The following HIVEP2 variants were observed in gnomAD, a reference collection of about 807,000 sequenced individuals.
The protein encoded by HIVEP2 is HIVEP zinc finger 2, also known as transcription factor HIVEP2.
Under a neutral mutation model 180.7 loss-of-function variants are expected in HIVEP2, and 14 were observed. That is an observed-to-expected ratio of 0.08 (90% confidence interval 0.05 to 0.12). HIVEP2 has a LOEUF of 0.12. Ranked by LOEUF, HIVEP2 falls within the 10% of genes least tolerant of loss-of-function variation. The pLI, the probability that HIVEP2 is intolerant of heterozygous loss-of-function variation, is 1.00. For missense variants in HIVEP2, 2,579 were observed against 3,008.5 expected (o/e 0.86, Z 3.34); for synonymous variants, 1,184 against 1,136.4 (o/e 1.04, Z -0.84).
At chr6:142,914,353 C>T (rs1015315346) in intron 1 of HIVEP2, among the ~76,000 whole-genome samples, 24 of 152,018 alleles carry the variant, frequency 1.6e-4, no homozygotes, top group African/African-American at 5.1e-4. Flanking sequence ...ATCTTACAAC[C>T]GATGATACCT....
chr6:142,918,499 C>T (rs531336455), intron 1 of HIVEP2, among the ~76,000 whole-genome samples: 1 of 152,332 alleles, frequency 6.6e-6, no homozygotes, highest in African/African-American at 2.4e-5. Context: ...CTAACGACAG[C>T]ATCTGGATGT....
intron 2 of HIVEP2, among the ~76,000 whole-genome samples, chr6:142,792,346 T>A (rs1294896027): frequency 6.6e-6 from 1 of 152,036 alleles, no homozygotes; most frequent in Non-Finnish European, 1.5e-5. Context: ...AATAAGATAA[T>A]GGAATAAACT....
At chr6:142,840,416 CAT>C in intron 1 of HIVEP2, among the ~76,000 whole-genome samples, 2 of 150,978 alleles carry the variant, frequency 1.3e-5, no homozygotes, top group Middle Eastern at 6.8e-3. Context: ...ACACTTAAAA[CAT>C]TGATGACATT....
At position 142,942,174 on chromosome 6, in the gene HIVEP2, A is replaced by G. The variant is rs377285564; in HGVS notation, c.-641+2925T>C. The stretch of plus-strand genomic sequence containing the variant: ...AAATTGACTTTAGCTAATTACTGAT[A>G]ATAATTTAAAAACTGAAACCCAACC... On this transcript the variant is annotated intron_variant, in intron 1 of 9. Transcript: ENST00000367603. Among the ~76,000 whole-genome samples, 8 of 152,330 alleles carry G rather than the reference A, an allele frequency of 5.3e-5. No individual in the cohort carries two copies. In the South Asian group the frequency reaches 1.4e-3, roughly 28 times the overall value.
At chr6:142,923,319 A>T (rs1186051936) in intron 1 of HIVEP2, among the ~76,000 whole-genome samples, 2 of 152,086 alleles carry the variant, frequency 1.3e-5, no homozygotes, top group Non-Finnish European at 2.9e-5. Context: ...CAACAGAGCA[A>T]GACTCCGTCT....
intron 1 of HIVEP2, among the ~76,000 whole-genome samples, chr6:142,847,827 T>C (rs1432419335): frequency 2.0e-5 from 3 of 152,204 alleles, no homozygotes; most frequent in Non-Finnish European, 4.4e-5. Context: ...TCTACTAATA[T>C]TAAAAAAAAG....
chr6:142,922,013 C>G (rs893748762), intron 1 of HIVEP2, among the ~76,000 whole-genome samples: 3 of 152,206 alleles, frequency 2.0e-5, no homozygotes, highest in African/African-American at 4.8e-5. Context: ...AACTCAACTT[C>G]GTTGGCGTCT....
chr6:142,944,859 A>T (rs1481108417), intron 1 of HIVEP2: 1 of 152,080 alleles, frequency 6.6e-6, no homozygotes, highest in African/African-American at 2.4e-5. Context: ...CAGCCGGTGC[A>T]CCCGCAAGGC....
At chr6:142,761,621 G>T in intron 7 of HIVEP2, 56 bp from the exon 8 acceptor site, 1 of 889,934 alleles carries the variant, frequency 1.1e-6, no homozygotes, top group Non-Finnish European at 1.9e-6. Context: ...ATTAATAACT[G>T]CTGATAGCTG....
intron 1 of HIVEP2, among the ~76,000 whole-genome samples, chr6:142,927,666 C>A (rs1317195405): frequency 2.0e-5 from 3 of 152,176 alleles, no homozygotes; most frequent in Admixed American, 1.3e-4. Flanking sequence ...TTATACTTAT[C>A]CACTTTAATA....
intron 1 of HIVEP2, among the ~76,000 whole-genome samples, chr6:142,920,271 G>A (rs1189329373): frequency 1.3e-5 from 2 of 152,164 alleles, no homozygotes; most frequent in Non-Finnish European, 2.9e-5. Flanking sequence ...CTACTTATTT[G>A]TCACTCAATT....
intron 1 of HIVEP2, among the ~76,000 whole-genome samples, chr6:142,896,519 T>A (rs918683792): frequency 1.3e-5 from 2 of 152,178 alleles, no homozygotes; most frequent in Non-Finnish European, 1.5e-5. Flanking sequence ...AATGTCGGCC[T>A]CTCATTCCAG....
At chr6:142,898,584 C>T (rs1018086752) in intron 1 of HIVEP2, among the ~76,000 whole-genome samples, 1 of 152,168 alleles carries the variant, frequency 6.6e-6, no homozygotes, top group Admixed American at 6.5e-5. Flanking sequence ...ATCACTTGAT[C>T]TCAGGAGGTG....
rs539842392 is a variant in HIVEP2, at chr6:142,924,244, G to C, written c.-641+20855C>G. Reference sequence around the variant, plus strand: ...ACTTTTTTAAACCTCTTACCAAAAAGAGAATTCTAAAATTATGACCGAAGA... The same window carrying C: ...ACTTTTTTAAACCTCTTACCAAAAACAGAATTCTAAAATTATGACCGAAGA... On this transcript the variant is annotated intron_variant, in intron 1 of 9. Transcript: ENST00000367603. 3.1e-3 allele frequency among the ~76,000 whole-genome samples: 468 copies of C among 152,258 alleles called. 2 individuals carry two copies. Among genetic ancestry groups the C allele is most frequent in the African/African-American group, 0.011 (453 of 41,546 alleles).
rs201462470 is a variant in HIVEP2 at position 142,753,758 on chromosome 6, G to A, written c.6690C>T (p.Pro2230=). ...AGTGAACCATCTGGATCCCACCAAC[G>A]GGCACCATGGGGATAGGGGCTCGCA... The part of the protein sequence containing the change: ...QQVRAPIPMV[P]VGGIQMVHSM... The change falls in exon 10 of 10, where the codon CCC becomes CCT. Residue 2230 remains proline, a synonymous_variant. Coordinates refer to ENST00000367603, the MANE Select transcript of HIVEP2 (RefSeq NM_006734.4). 6.8e-6 allele frequency: 11 copies of A among 1,614,158 alleles called. No homozygotes were observed. Among genetic ancestry groups the A allele is most frequent in the East Asian group, 2.2e-5 (1 of 44,876 alleles).
Position 142,760,443 on chromosome 6 carries a change from T to C in HIVEP2, c.5845A>G (p.Asn1949Asp), listed in dbSNP as rs979727900. ...ACCCCGTGGGGTACGGCGCCAACAT[T>C]CACAGGCAAGGAGGAGAATCTAGGA... ...QPPRFSSLPV[N>D]VGAVPHGVPS... Residue 1949 changes from asparagine to aspartate, a missense_variant, in exon 9 of 10, where the codon AAT (asparagine) becomes GAT (aspartate). By Grantham distance (23) the Asn-to-Asp change is conservative. Around this residue, in one of 11 missense-constraint regions of HIVEP2, gnomAD observed 660 missense variants for 731.7 expected, o/e 0.90. Coordinates refer to ENST00000367603, the MANE Select transcript of HIVEP2 (RefSeq NM_006734.4). 4 of 1,614,040 alleles carry C rather than the reference T, an allele frequency of 2.5e-6. No homozygotes were observed. Among genetic ancestry groups the C allele is most frequent in the Admixed American group, 3.3e-5 (2 of 59,992 alleles).
intron 7 of HIVEP2, among the ~76,000 whole-genome samples, chr6:142,762,607 T>C (rs1775278620): frequency 6.6e-6 from 1 of 152,152 alleles, no homozygotes; most frequent in Non-Finnish European, 1.5e-5. Flanking sequence ...ATCTGTGCCC[T>C]TGACAACGCT....
chr6:142,804,313 C>T (rs192054854), intron 2 of HIVEP2, among the ~76,000 whole-genome samples: 17 of 152,208 alleles, frequency 1.1e-4, no homozygotes, highest in African/African-American at 4.1e-4. Context: ...CCCACAAAGA[C>T]AGCAGGTAAG....
chr6:142,806,493 G>T (rs1776551167), intron 2 of HIVEP2, among the ~76,000 whole-genome samples: 1 of 152,082 alleles, frequency 6.6e-6, no homozygotes, highest in African/African-American at 2.4e-5. Context: ...GAATGTCTCT[G>T]GCAATTCAAA....
Sources: allele counts gnomAD v4.1 joint callset (sites outside exome capture counted in the v4.1 genomes callset), GRCh38; gene constraint gnomAD v4.1.1; regional missense constraint gnomAD v4.1.1; transcripts MANE v1.5; gene names NCBI Gene and HGNC (gene_info 2026-07-23, HGNC 2026-07-21).